LUZP2: variants seen among roughly 807,000 people sequenced by gnomAD.
LUZP2 encodes leucine zipper protein 2.
LUZP2 carries 52 observed loss-of-function variants against 51.6 expected under a neutral mutation model. The observed-to-expected ratio is 1.01, with a 90% CI of 0.81 to 1.27. LUZP2 has a LOEUF of 1.27. LUZP2 is among the 50% of genes most tolerant of loss of function. LUZP2 has a pLI of 0.00. For synonymous variants in LUZP2, 154 were observed against 137.3 expected, an observed-to-expected ratio of 1.12 and a Z score of -0.85; for missense variants, 436 against 395.4, an observed-to-expected ratio of 1.10 and a Z score of -0.87.
At chr11:25,014,010 T>G (rs1475204153) in intron 9 of LUZP2, among the ~76,000 whole-genome samples, 1 of 152,136 alleles carries the variant, frequency 6.6e-6, no homozygotes, top group Non-Finnish European at 1.5e-5. Flanking sequence ...TTTGGTTTTT[T>G]GTCCCTGCGA....
chr11:24,531,653 C>T (rs1250246994), intron 1 of LUZP2, among the ~76,000 whole-genome samples: 1 of 150,900 alleles, frequency 6.6e-6, no homozygotes, highest in African/African-American at 2.4e-5. Flanking sequence ...ACTTTTTTAG[C>T]TTTCACATAT....
chr11:24,969,913 C>T (rs77950797), intron 7 of LUZP2, among the ~76,000 whole-genome samples: 7 of 152,142 alleles, frequency 4.6e-5, no homozygotes, highest in East Asian at 3.9e-4. Flanking sequence ...CACACATGCG[C>T]GCGCACACAC....
At position 25,049,094 on chromosome 11, in the gene LUZP2, T is replaced by A. The variant is rs146864784; in HGVS notation, c.766-944T>A. On this transcript the variant is annotated intron_variant, in intron 9 of 11. Transcript: ENST00000336930. ...CCTGTGAAAAACCAGGAGAATGCTG[T>A]GTAGAAAGTAGCGCAGGTAAAAATA... Among the ~76,000 whole-genome samples the A allele has an allele frequency of 1.1e-4, 17 of 152,286 alleles. No homozygotes were observed. The East Asian group carries it at 3.3e-3, about 29-fold the overall frequency.
intron 1 of LUZP2, among the ~76,000 whole-genome samples, chr11:24,702,457 C>T (rs777089206): frequency 1.8e-4 from 28 of 152,140 alleles, no homozygotes; most frequent in Non-Finnish European, 2.6e-4. Flanking sequence ...AGAGGAAACA[C>T]GGCACTGGTA....
chr11:24,898,246 T>TA (rs35478837), intron 5 of LUZP2, among the ~76,000 whole-genome samples: 76,104 of 149,606 alleles, frequency 0.51, 19,464 homozygotes, highest in East Asian at 0.78. Flanking sequence ...GTGACAATTA[T>TA]AAAAAAAAAA....
intron 4 of LUZP2, among the ~76,000 whole-genome samples, chr11:24,758,786 A>T (rs1035023862): frequency 3.3e-4 from 50 of 152,022 alleles, no homozygotes; most frequent in African/African-American, 1.2e-3. Flanking sequence ...AAGATAAGAG[A>T]TTGTTTGTTT....
intron 7 of LUZP2, among the ~76,000 whole-genome samples, chr11:24,967,853 T>G (rs911311124): frequency 5.3e-5 from 8 of 152,172 alleles, no homozygotes; most frequent in Non-Finnish European, 8.8e-5. Context: ...ATCTAGATAT[T>G]GGTTATCATC....
At chr11:25,008,030 A>G (rs1233441867) in intron 9 of LUZP2, among the ~76,000 whole-genome samples, 6 of 152,238 alleles carry the variant, frequency 3.9e-5, no homozygotes, top group Non-Finnish European at 8.8e-5. Flanking sequence ...GTTCATTTAA[A>G]TAGAAATGAC....
At chr11:24,503,359 C>G (rs991885565) in intron 1 of LUZP2, among the ~76,000 whole-genome samples, 1 of 152,082 alleles carries the variant, frequency 6.6e-6, no homozygotes. Context: ...ATGAAAGGTA[C>G]AGATCATGTC....
At chr11:24,961,424 G>C (rs1435920991) in intron 7 of LUZP2, among the ~76,000 whole-genome samples, 2 of 151,958 alleles carry the variant, frequency 1.3e-5, no homozygotes, top group Non-Finnish European at 1.5e-5. Context: ...TATGAATCTG[G>C]GTGCTCCTGT....
At chr11:24,924,755 A>G (rs374364639) in intron 7 of LUZP2, among the ~76,000 whole-genome samples, 12 of 152,288 alleles carry the variant, frequency 7.9e-5, no homozygotes, top group African/African-American at 2.9e-4. Flanking sequence ...GAAAGGTGGA[A>G]CAACTTGAAG....
rs899384636 is a variant in LUZP2, at chr11:24,914,355, C to T, written c.460-121C>T. The T allele has an allele frequency of 1.5e-5, 11 of 710,614 alleles. No homozygotes were observed. The South Asian group carries it at 1.9e-4, about 12-fold the overall frequency. 44.0% of individuals were successfully genotyped at this position (710,614 alleles called of 1,614,324 possible). On this transcript the variant is annotated intron_variant, in intron 6 of 11. Transcript: ENST00000336930. ...TAAGGGTTTCTGCTTTACTTCTAAA[C>T]TGGTTGGACTGTGCTTTGCTTGGCT...
chr11:24,949,501 TTGA>T, intron 7 of LUZP2, among the ~76,000 whole-genome samples: 1 of 151,742 alleles, frequency 6.6e-6, no homozygotes, highest in Non-Finnish European at 1.5e-5. Flanking sequence ...TACACTGATG[TTGA>T]TGTTTCTTTT....
intron 1 of LUZP2, among the ~76,000 whole-genome samples, chr11:24,507,257 C>G (rs962434649): frequency 6.6e-6 from 1 of 152,064 alleles, no homozygotes; most frequent in African/African-American, 2.4e-5. Context: ...TTAGAAACTA[C>G]AGCTCTAGTA....
chr11:24,882,481 A>G (rs1225667904), intron 5 of LUZP2, among the ~76,000 whole-genome samples: 2 of 152,030 alleles, frequency 1.3e-5, no homozygotes, highest in Non-Finnish European at 2.9e-5. Context: ...ACATTAGGAT[A>G]TGCTCTTGGT....
intron 1 of LUZP2, among the ~76,000 whole-genome samples, chr11:24,578,898 C>A (rs1852754519): frequency 6.6e-6 from 1 of 152,020 alleles, no homozygotes; most frequent in Non-Finnish European, 1.5e-5. Flanking sequence ...GGTAACAAAC[C>A]TGCACATATA....
At chr11:24,812,996 G>T (rs944017714) in intron 5 of LUZP2, among the ~76,000 whole-genome samples, 4 of 152,110 alleles carry the variant, frequency 2.6e-5, no homozygotes, top group Admixed American at 1.3e-4. Context: ...ATGCATAGGG[G>T]TCACTCTAGT....
chr11:24,580,597 C>CAAAAAA (rs1212119806), intron 1 of LUZP2, among the ~76,000 whole-genome samples: 3 of 150,954 alleles, frequency 2.0e-5, no homozygotes, highest in African/African-American at 7.3e-5. Context: ...AATCCTTTCA[C>CAAAAAA]AAAACAAAAA....
chr11:24,623,930 C>A (rs1169273350), intron 1 of LUZP2, among the ~76,000 whole-genome samples: 3 of 152,178 alleles, frequency 2.0e-5, no homozygotes, highest in African/African-American at 7.2e-5. Flanking sequence ...CATCCATATG[C>A]TTTTGCCTCT....
Sources: gnomAD v4.1 joint callset for allele counts (sites outside exome capture counted in the v4.1 genomes callset) on GRCh38, gnomAD v4.1.1 for gene constraint, MANE v1.5 for transcripts, NCBI Gene and HGNC (gene_info 2026-07-23, HGNC 2026-07-21) for gene names.